The following CGB1 variants were observed in gnomAD, a reference collection of about 807,000 sequenced individuals.
CGB1 encodes chorionic gonadotropin subunit beta 1.
A neutral mutation model predicts 7.0 loss-of-function variants in CGB1; 4 were observed. The observed-to-expected ratio is 0.57, with a 90% CI of 0.28 to 1.31. The LOEUF (loss-of-function observed/expected upper bound fraction) is 1.31, where lower values mean the gene tolerates loss of function less well. CGB1 is among the 50% of genes most tolerant of loss of function. CGB1 has a pLI of 0.10. For missense variants in CGB1, 139 were observed against 219.1 expected, an observed-to-expected ratio of 0.63 and a Z score of 2.31; for synonymous variants, 72 against 96.4, an observed-to-expected ratio of 0.75 and a Z score of 1.48.
chr19:49,036,381 C>T, intron 1 of CGB1, 78 bp from the exon 2 acceptor site: 1 of 1,601,542 alleles, frequency 6.2e-7, no homozygotes, highest in Non-Finnish European at 8.5e-7. Flanking sequence ...CATGGTACAC[C>T]ACCCACAAAG....
In CGB1 at chr19:49,036,882, C is replaced by G. The variant is rs900948651; in HGVS notation, c.-171G>C. The G allele has an allele frequency of 1.1e-6, 1 of 913,200 alleles. No homozygotes were observed. The highest frequency in any genetic ancestry group is 2.7e-5 in the East Asian group (1 of 37,132). 56.6% of individuals were successfully genotyped at this position (913,200 alleles called of 1,614,324 possible). On this transcript the variant is annotated 5_prime_UTR_variant, in exon 1 of 3. Transcript: ENST00000301407. The stretch of plus-strand genomic sequence containing the variant: ...CTGCTCTCTCTCAGATGCAGTTCCC[C>G]TTCCTCCCTCCAGGGGGCGCCACGG...
chr19:49,036,354 C>G lies in CGB1; in HGVS notation c.10-51G>C, dbSNP rs374293345. 1.2e-4 allele frequency: 193 copies of G among 1,602,410 alleles called. 3 individuals are homozygous for G. The South Asian group carries it at 1.9e-3, about 16-fold the overall frequency. ...GGGTCTGAGACTGCAGCCCCCAGTCCTGGCCTTCCCATCCCGCATGGTACA... is the reference window on the plus strand; with the variant it reads ...GGGTCTGAGACTGCAGCCCCCAGTCGTGGCCTTCCCATCCCGCATGGTACA... On this transcript the variant is annotated intron_variant, in intron 1 of 2. Transcript: ENST00000301407.
In CGB1 at chr19:49,036,408, C is replaced by G. The variant is rs180891434; in HGVS notation, c.10-105G>C. ...CCCACAAAGACCCAGAGACCCTTCC[C>G]GGCATCTTCTATTCAGGACCCACCA... On this transcript the variant is annotated intron_variant, in intron 1 of 2. Transcript: ENST00000301407. 4.4e-6 allele frequency: 7 copies of G among 1,598,262 alleles called. No homozygotes were observed. The South Asian group carries it at 5.5e-5, about 13-fold the overall frequency.
rs981230197 is a variant in CGB1 at position 49,036,769 on chromosome 19, A to G, written c.-58T>C. Reference sequence around the variant, plus strand: ...ACTGGGAATGTGGACATGGAAAGTAAATTGAGTCTCCGTGGGGGAGTGAGA... The same window carrying G: ...ACTGGGAATGTGGACATGGAAAGTAGATTGAGTCTCCGTGGGGGAGTGAGA... On this transcript the variant is annotated 5_prime_UTR_variant, in exon 1 of 3. Transcript: ENST00000301407. The G allele has an allele frequency of 8.1e-6, 13 of 1,612,722 alleles. No individual in the cohort carries two copies. In the African/African-American group the frequency reaches 1.5e-4, roughly 18 times the overall value.
In CGB1 at chr19:49,036,370, G is replaced by T. The variant is rs1195008614; in HGVS notation, c.10-67C>A. On this transcript the variant is annotated intron_variant, in intron 1 of 2. Coordinates refer to ENST00000301407, the MANE Select transcript of CGB1 (RefSeq NM_033377.2). ...CCCCCAGTCCTGGCCTTCCCATCCC[G>T]CATGGTACACCACCCACAAAGACCC... 7 of 1,601,626 alleles carry T rather than the reference G, an allele frequency of 4.4e-6. No individual in the cohort carries two copies. In the South Asian group the frequency reaches 4.4e-5, roughly 10 times the overall value.
intron 1 of CGB1, 191 bp downstream of exon 1, chr19:49,036,512 A>C (rs1299563007): frequency 8.2e-6 from 13 of 1,591,562 alleles, no homozygotes; most frequent in Admixed American, 1.7e-5. Flanking sequence ...CCGCACCCTC[A>C]GGAACTGACC....
In CGB1 at chr19:49,035,655, G is replaced by C. The variant is rs1388593246; in HGVS notation, c.423C>G (p.Ala141=). The C allele has an allele frequency of 6.2e-7, 1 of 1,610,908 alleles. No individual in the cohort carries two copies. Among genetic ancestry groups the C allele is most frequent in the East Asian group, 2.2e-5 (1 of 44,868 alleles). Reference sequence around the variant, plus strand: ...ATGGACTTGGAAGGCTGGGGGGAGGGGCCTTTGAGGAAGAGGAGTCCTGGA... The same window carrying C: ...ATGGACTTGGAAGGCTGGGGGGAGGCGCCTTTGAGGAAGAGGAGTCCTGGA... ...PRFQDSSSSK[A]PPPSLPSPSR... Residue 141 remains alanine, a synonymous_variant, in exon 3 of 3, where the codon GCC becomes GCG. Transcript: ENST00000301407.
At chr19:49,036,573 A>G (rs977402261) in intron 1 of CGB1, 130 bp downstream of exon 1, 5 of 1,613,124 alleles carry the variant, frequency 3.1e-6, no homozygotes, top group African/African-American at 1.3e-5. Context: ...GCCTCCTTCC[A>G]CAGCTCACAC....
Position 49,036,520 on chromosome 19 carries a change from A to C in CGB1, c.9+183T>G, listed in dbSNP as rs34512616. The C allele has an allele frequency of 4.3e-3, 6,857 of 1,595,916 alleles. 199 individuals are homozygous for C. The African/African-American group carries it at 0.071, about 16-fold the overall frequency. ...TTCAGATCCGCACCCTCAGGAACTG[A>C]CCCACCTGAAGCTTACTGGGGGTCA... is the stretch of plus-strand genomic sequence containing the variant. On this transcript the variant is annotated intron_variant, in intron 1 of 2. Transcript: ENST00000301407.
rs772093173 is a variant in CGB1, at chr19:49,036,654, T to A, written c.9+49A>T. 6.1e-5 allele frequency: 99 copies of A among 1,613,792 alleles called. 3 individuals are homozygous for A. In the Admixed American group the frequency reaches 1.4e-3, roughly 23 times the overall value. On this transcript the variant is annotated intron_variant, in intron 1 of 2. Coordinates refer to ENST00000301407, the MANE Select transcript of CGB1 (RefSeq NM_033377.2). Reference sequence around the variant, plus strand: ...AGGTGCCCAGGGGCCCTGCAGTCTTTCCTGGAACATCTCCATCTTTGGTGC... The same window carrying A: ...AGGTGCCCAGGGGCCCTGCAGTCTTACCTGGAACATCTCCATCTTTGGTGC...
intron 1 of CGB1, 96 bp from the exon 2 acceptor site, chr19:49,036,399 G>T: frequency 1.2e-6 from 2 of 1,600,268 alleles, no homozygotes; most frequent in Non-Finnish European, 1.7e-6. Context: ...AAGACCCAGA[G>T]ACCCTTCCCG....
chr19:49,036,890 C>G lies in CGB1; in HGVS notation c.-179G>C, dbSNP rs569421954. The G allele has an allele frequency of 9.6e-5, 80 of 835,974 alleles. No individual in the cohort carries two copies. In the Middle Eastern group the frequency reaches 9.7e-4, roughly 10 times the overall value. 51.8% of individuals were successfully genotyped at this position (835,974 alleles called of 1,614,324 possible). On this transcript the variant is annotated 5_prime_UTR_variant, in exon 1 of 3. Transcript: ENST00000301407. Reference sequence around the variant, plus strand: ...TCTCAGATGCAGTTCCCCTTCCTCCCTCCAGGGGGCGCCACGGAACGCAGG... The same window carrying G: ...TCTCAGATGCAGTTCCCCTTCCTCCGTCCAGGGGGCGCCACGGAACGCAGG...
chr19:49,036,854 T>C lies in CGB1; in HGVS notation c.-143A>G. On this transcript the variant is annotated 5_prime_UTR_variant, in exon 1 of 3. Coordinates refer to ENST00000301407, the MANE Select transcript of CGB1 (RefSeq NM_033377.2). Reference sequence around the variant, plus strand: ...CCTGGCCAGAGTCAGCGGACCCAATTGGCTGCTCTCTCTCAGATGCAGTTC... The same window carrying C: ...CCTGGCCAGAGTCAGCGGACCCAATCGGCTGCTCTCTCTCAGATGCAGTTC... 1 of 1,200,940 alleles carries C rather than the reference T, an allele frequency of 8.3e-7. No homozygotes were observed. Among genetic ancestry groups the C allele is most frequent in the Non-Finnish European group, 1.2e-6 (1 of 819,854 alleles). The allele number at this position is 1,200,940 out of a possible 1,614,324, so 74.4% of individuals were successfully genotyped here. A position where few individuals can be genotyped will look rare whatever the true frequency, so the allele number is the denominator to read the frequency against.
At position 49,036,725 on chromosome 19, in the gene CGB1, C is replaced by G; in HGVS notation, c.-14G>C. 1 of 1,613,850 alleles carries G rather than the reference C, an allele frequency of 6.2e-7. No homozygotes were observed. The highest frequency in any genetic ancestry group is 8.5e-7 in the Non-Finnish European group (1 of 1,179,802). The stretch of plus-strand genomic sequence containing the variant: ...TACCTTTGACATGTCTCTCTCTTAG[C>G]GGGATATCTTCCGCAAGCACTGGGA... On this transcript the variant is annotated 5_prime_UTR_variant, in exon 1 of 3. Coordinates refer to ENST00000301407, the MANE Select transcript of CGB1 (RefSeq NM_033377.2).
chr19:49,036,649 G>C, intron 1 of CGB1, 54 bp downstream of exon 1: 1 of 1,614,002 alleles, frequency 6.2e-7, no homozygotes, highest in South Asian at 1.1e-5. Flanking sequence ...GGGCCCTGCA[G>C]TCTTTCCTGG....
Position 49,035,569 on chromosome 19 carries a change from T to G in CGB1, c.*41A>C. The G allele has an allele frequency of 1.2e-6, 2 of 1,611,602 alleles. No homozygotes were observed. Among genetic ancestry groups the G allele is most frequent in the Non-Finnish European group, 1.7e-6 (2 of 1,179,846 alleles). ...AGCCCACAGAAAGACACCTCCAGAGTGCGGATTGAGAAGCCTTTATTGTGG... is the reference window on the plus strand; with the variant it reads ...AGCCCACAGAAAGACACCTCCAGAGGGCGGATTGAGAAGCCTTTATTGTGG... On this transcript the variant is annotated 3_prime_UTR_variant, in exon 3 of 3. Transcript: ENST00000301407.
In CGB1 at chr19:49,035,732, T is replaced by G; in HGVS notation, c.346A>C (p.Thr116Pro). ...CQCALCRRST[T>P]DCGGPKDHPL... ...TGGTCCTTGGGACCCCCGCAGTCAG[T>G]GGTGCTGCGGCGGCAGAGTGCACAT... Residue 116 changes from threonine to proline, a missense_variant, in exon 3 of 3, where the codon ACT becomes CCT. Physicochemically the swap from Thr to Pro is conservative, Grantham distance 38. This residue lies in a region of CGB1 where 60 missense variants were observed against 105.8 expected (regional missense o/e 0.57). Coordinates refer to ENST00000301407, the MANE Select transcript of CGB1 (RefSeq NM_033377.2). 1 of 1,608,102 alleles carries G rather than the reference T, an allele frequency of 6.2e-7. No homozygotes were observed. Among genetic ancestry groups the G allele is most frequent in the Non-Finnish European group, 8.5e-7 (1 of 1,178,736 alleles).
rs960808642 is a variant in CGB1, at chr19:49,036,861, T to C, written c.-150A>G. The C allele has an allele frequency of 7.1e-5, 79 of 1,120,044 alleles. No individual in the cohort carries two copies. Among genetic ancestry groups the C allele is most frequent in the Non-Finnish European group, 1.7e-5 (13 of 751,538 alleles). 69.4% of individuals were successfully genotyped at this position (1,120,044 alleles called of 1,614,324 possible). A position where few individuals can be genotyped will look rare whatever the true frequency, so the allele number is the denominator to read the frequency against. ...AGAGTCAGCGGACCCAATTGGCTGC[T>C]CTCTCTCAGATGCAGTTCCCCTTCC... On this transcript the variant is annotated 5_prime_UTR_variant, in exon 1 of 3. Coordinates refer to ENST00000301407, the MANE Select transcript of CGB1 (RefSeq NM_033377.2).
chr19:49,035,904 G>A lies in CGB1; in HGVS notation c.178-4C>T. On this transcript the variant is annotated splice_region_variant and splice_polypyrimidine_tract_variant and intron_variant, in intron 2 of 2. Transcript: ENST00000301407. Reference sequence around the variant, plus strand: ...GGACCCCCTGCAGCACGCGGGTCTGGAAGCCGTGTGAGTGGGGGAATGAGC... The same window carrying A: ...GGACCCCCTGCAGCACGCGGGTCTGAAAGCCGTGTGAGTGGGGGAATGAGC... 1 of 1,307,316 alleles carries A rather than the reference G, an allele frequency of 7.6e-7. No individual in the cohort carries two copies. Among genetic ancestry groups the A allele is most frequent in the Non-Finnish European group, 1.0e-6 (1 of 961,888 alleles). 81.0% of individuals were successfully genotyped at this position (1,307,316 alleles called of 1,614,324 possible).
Sources: allele counts gnomAD v4.1 joint callset, GRCh38; gene constraint gnomAD v4.1.1; regional missense constraint gnomAD v4.1.1; transcripts MANE v1.5; gene names NCBI Gene and HGNC (gene_info 2026-07-23, HGNC 2026-07-21).